Variants in ZDHHC21 observed in about 807,000 individuals in gnomAD.
ZDHHC21 encodes palmitoyltransferase ZDHHC21.
In ZDHHC21, 15 loss-of-function variants were observed where a neutral mutation model predicts 34.6. The ratio of observed to expected loss-of-function variants is 0.43; its 90% CI spans 0.29 to 0.67. The LOEUF is 0.67. Among genes scored for constraint, ZDHHC21 ranks in the 30% least tolerant of loss-of-function variants. ZDHHC21 has a pLI of 0.14. For synonymous variants in ZDHHC21, 142 were observed against 101.8 expected (o/e 1.40, Z -2.38); for missense variants, 344 against 327.7 (o/e 1.05, Z -0.38).
At chr9:14,592,532 A>T in the ZDHHC21 span, among the ~76,000 whole-genome samples, 2 of 152,112 alleles carry the variant, frequency 1.3e-5, no homozygotes, top group Admixed American at 1.3e-4. Flanking sequence ...GCAAAACCTG[A>T]AAGAATTAAA....
At chr9:14,642,863 T>A (rs780280543) in intron 7 of ZDHHC21, among the ~76,000 whole-genome samples, 1 of 152,242 alleles carries the variant, frequency 6.6e-6, no homozygotes, top group Non-Finnish European at 1.5e-5. Context: ...TATTTCTTTA[T>A]TGTTTACATT....
intron 2 of ZDHHC21, chr9:14,683,473 A>G (rs1320568486): frequency 2.0e-5 from 3 of 152,226 alleles, no homozygotes; most frequent in African/African-American, 7.2e-5. Flanking sequence ...ATTCCTGGAC[A>G]CATACACCCT....
intron 2 of ZDHHC21, among the ~76,000 whole-genome samples, chr9:14,684,604 T>C (rs975651356): frequency 4.6e-5 from 7 of 151,730 alleles, no homozygotes; most frequent in African/African-American, 7.3e-5. Context: ...GAAGAATCAA[T>C]ATCATGAAAA....
chr9:14,640,012 C>T lies in ZDHHC21; in HGVS notation c.505G>A (p.Asp169Asn). The T allele has an allele frequency of 6.3e-7, 1 of 1,576,428 alleles. No individual in the cohort carries two copies. Among genetic ancestry groups the T allele is most frequent in the Non-Finnish European group, 8.6e-7 (1 of 1,157,948 alleles). ...YFLPLKKRNL[D>N]LFVFRHELAI... ...AATTCATGTCTAAAAACAAAGAGGTCCTAAAAAGAAAAAGAAAGTCTTAAA... is the reference window on the plus strand; with the variant it reads ...AATTCATGTCTAAAAACAAAGAGGTTCTAAAAAGAAAAAGAAAGTCTTAAA... The change falls in exon 8 of 10, where the codon GAC becomes AAC. Residue 169 changes from aspartate (D) to asparagine (N), a missense_variant and splice_region_variant. Physicochemically the swap from Asp to Asn is conservative, Grantham distance 23. Transcript: ENST00000380916.
the ZDHHC21 span, among the ~76,000 whole-genome samples, chr9:14,596,355 AG>A: frequency 7.9e-5 from 12 of 152,316 alleles, no homozygotes; most frequent in Middle Eastern, 3.4e-3. Flanking sequence ...GCAAGCCGCT[AG>A]GTTGTTGGTA....
Position 14,618,905 on chromosome 9 carries a change from T to C in ZDHHC21, c.*61A>G. 4.0e-6 allele frequency: 6 copies of C among 1,489,512 alleles called. No individual in the cohort carries two copies. Among genetic ancestry groups the C allele is most frequent in the Non-Finnish European group, 5.4e-6 (6 of 1,115,810 alleles). The allele number at this position is 1,489,512 out of a possible 1,614,324, so 92.3% of individuals were successfully genotyped here. A position where few individuals can be genotyped will look rare whatever the true frequency, so the allele number is the denominator to read the frequency against. ...CTTGAAGACTGTCATAGTTCTATTA[T>C]CATAAAACCTGTAACGCATTGCCAG... On this transcript the variant is annotated 3_prime_UTR_variant, in exon 10 of 10. Transcript: ENST00000380916.
intron 8 of ZDHHC21, among the ~76,000 whole-genome samples, chr9:14,627,874 GACA>G (rs1173604410): frequency 6.6e-6 from 1 of 151,932 alleles, no homozygotes; most frequent in African/African-American, 2.4e-5. Flanking sequence ...CAATAATTCA[GACA>G]ACATCAATTA....
In ZDHHC21 at chr9:14,612,843, T is replaced by TACACACACACACACACACAC. The variant is rs143588638; in HGVS notation, c.*6103_*6122dup. 1 of 143,250 alleles carries TACACACACACACACACACAC rather than the reference T, an allele frequency of 7.0e-6. No individual in the cohort carries two copies. The highest frequency in any genetic ancestry group is 1.5e-5 in the Non-Finnish European group (1 of 65,202). 8.9% of individuals were successfully genotyped at this position (143,250 alleles called of 1,614,324 possible). A position where few individuals can be genotyped will look rare whatever the true frequency, so the allele number is the denominator to read the frequency against. Reference sequence around the variant, plus strand: ...ATTATTCTTTAAAGCCACTAAAGATTACACACACACACACACACACACACA... The same window carrying TACACACACACACACACACAC: ...ATTATTCTTTAAAGCCACTAAAGATTACACACACACACACACACACACACACACACACACACACACACACA... On this transcript the variant is annotated 3_prime_UTR_variant, in exon 10 of 10. Coordinates refer to ENST00000380916, the MANE Select transcript of ZDHHC21 (RefSeq NM_178566.6).
chr9:14,685,503 C>A (rs13293087), intron 2 of ZDHHC21, among the ~76,000 whole-genome samples: 3 of 151,758 alleles, frequency 2.0e-5, no homozygotes, highest in African/African-American at 7.3e-5. Context: ...ACCACAATGA[C>A]ATACCATCTC....
rs1469650997 is a variant in ZDHHC21, at chr9:14,672,936, ATAAATAAAT to A, written c.155-17_155-9del. 2.0e-6 allele frequency: 3 copies of A among 1,521,716 alleles called. No individual in the cohort carries two copies. Among genetic ancestry groups the A allele is most frequent in the Non-Finnish European group, 8.9e-7 (1 of 1,118,280 alleles). 94.3% of individuals were successfully genotyped at this position (1,521,716 alleles called of 1,614,324 possible). A position where few individuals can be genotyped will look rare whatever the true frequency, so the allele number is the denominator to read the frequency against. ...TGGAAATGCCATAGAATACTTTAAA[ATAAATAAAT>A]TAAATAAATTAGTCACTTACCCTTC... On this transcript the variant is annotated splice_polypyrimidine_tract_variant and intron_variant, in intron 4 of 9. Coordinates refer to ENST00000380916, the MANE Select transcript of ZDHHC21 (RefSeq NM_178566.6).
At chr9:14,672,208 G>T (rs1226617467) in intron 5 of ZDHHC21, among the ~76,000 whole-genome samples, 1 of 152,012 alleles carries the variant, frequency 6.6e-6, no homozygotes, top group Non-Finnish European at 1.5e-5. Flanking sequence ...CTTTTTTGAA[G>T]AATTCAGTTA....
chr9:14,662,873 A>G (rs1257069289), intron 5 of ZDHHC21, among the ~76,000 whole-genome samples: 1 of 152,184 alleles, frequency 6.6e-6, no homozygotes, highest in African/African-American at 2.4e-5. Flanking sequence ...TTCATTTAAG[A>G]GTGTGTATGG....
At chr9:14,658,398 T>C (rs770045339) in intron 7 of ZDHHC21, among the ~76,000 whole-genome samples, 6 of 149,378 alleles carry the variant, frequency 4.0e-5, no homozygotes, top group Non-Finnish European at 8.9e-5. Context: ...TCTTTTGTAC[T>C]TAAAGGAACC....
At chr9:14,594,293 G>A in the ZDHHC21 span, 1 of 152,102 alleles carries the variant, frequency 6.6e-6, no homozygotes, top group Non-Finnish European at 1.5e-5. Flanking sequence ...AAAGAACAAA[G>A]CTGGATGATT....
At chr9:14,684,419 G>A (rs1837942537) in intron 2 of ZDHHC21, among the ~76,000 whole-genome samples, 1 of 145,826 alleles carries the variant, frequency 6.9e-6, no homozygotes, top group Non-Finnish European at 1.5e-5. Context: ...CAGACAAACA[G>A]AGAGCCAAAT....
chr9:14,655,189 A>T (rs1320361253), intron 7 of ZDHHC21, among the ~76,000 whole-genome samples: 6 of 152,096 alleles, frequency 3.9e-5, no homozygotes, highest in Non-Finnish European at 8.8e-5. Context: ...GATGGAAACC[A>T]TAAGACAATG....
At position 14,680,400 on chromosome 9, in the gene ZDHHC21, G is replaced by C. The variant is rs563165834; in HGVS notation, c.-175-238C>G. Among the ~76,000 whole-genome samples the C allele has an allele frequency of 3.7e-4, 56 of 151,582 alleles. 1 individual carries two copies. In the South Asian group the frequency reaches 0.012, roughly 32 times the overall value. On this transcript the variant is annotated intron_variant, in intron 2 of 9. Transcript: ENST00000380916. ...ACCCACTTCCCATAAAATCAAATAA[G>C]CATTATACTTCCCATAAAATCAAAT...
chr9:14,608,528 G>A (rs1192969266), downstream of ZDHHC21, among the ~76,000 whole-genome samples: 2 of 152,048 alleles, frequency 1.3e-5, no homozygotes, highest in Admixed American at 1.3e-4. Context: ...TATTTTTATT[G>A]TGTTTGATCT....
At chr9:14,609,953 C>T (rs114986458), downstream of ZDHHC21, among the ~76,000 whole-genome samples, 1,413 of 152,086 alleles carry the variant, frequency 9.3e-3, 22 homozygotes, top group African/African-American at 0.032. Flanking sequence ...TGGTCTAATG[C>T]GAAGCAGTAT....
Sources: gnomAD v4.1 joint callset for allele counts (sites outside exome capture counted in the v4.1 genomes callset) on GRCh38, gnomAD v4.1.1 for gene constraint, MANE v1.5 for transcripts, NCBI Gene and HGNC (gene_info 2026-07-23, HGNC 2026-07-21) for gene names.